Variants in MID1 observed in about 807,000 individuals in gnomAD.
MID1 encodes the protein midline 1, also known as E3 ubiquitin-protein ligase Midline-1.
MID1 carries 7 observed loss-of-function variants against 40.4 expected under a neutral mutation model. The observed-to-expected ratio is 0.17, with a 90% CI of 0.10 to 0.33. The LOEUF is 0.33. MID1 is among the 10% of genes least tolerant of loss of function. The pLI, the probability that MID1 is intolerant of heterozygous loss-of-function variation, is 1.00. For synonymous variants in MID1, 229 were observed against 221.2 expected (o/e 1.04, Z -0.31); for missense variants, 367 against 558.5 (o/e 0.66, Z 3.46).
chrX:10,816,276 C>A (rs2044135730), intron 1 of MID1, among the ~76,000 whole-genome samples: 1 of 111,927 alleles, frequency 8.9e-6, no homozygotes, highest in Admixed American at 9.5e-5. Flanking sequence ...TAAACATAAA[C>A]CAGAGTTGTT....
intron 1 of MID1, among the ~76,000 whole-genome samples, chrX:10,734,535 A>C (rs1569158381): frequency 9.3e-6 from 1 of 107,856 alleles, no homozygotes; most frequent in Non-Finnish European, 1.9e-5. Context: ...TATACCCCTG[A>C]ATCTAAAATA....
intron 1 of MID1, among the ~76,000 whole-genome samples, chrX:10,732,658 AAAG>A (rs2043457808): frequency 8.9e-6 from 1 of 111,813 alleles, no homozygotes; most frequent in Non-Finnish European, 1.9e-5. Flanking sequence ...TGAAAATGCA[AAAG>A]AATTAGAACA....
intron 4 of MID1, among the ~76,000 whole-genome samples, chrX:10,488,473 G>T (rs181210839): frequency 1.2e-4 from 13 of 111,858 alleles, no homozygotes; most frequent in African/African-American, 3.9e-4. Flanking sequence ...CTTGGTATGC[G>T]CCATCTTTTG....
In MID1 at chrX:10,713,519, G is replaced by T. The variant is rs369681427; in HGVS notation, c.-186-93100C>A. ...TTTAAAAACATTTTTGTAGAAACAGGGTTTTGCCATGTTGCCCAGGCTGGT... is the reference window on the plus strand; with the variant it reads ...TTTAAAAACATTTTTGTAGAAACAGTGTTTTGCCATGTTGCCCAGGCTGGT... On this transcript the variant is annotated intron_variant, in intron 1 of 10. Coordinates refer to the MID1 transcript ENST00000380785. 1.9e-4 allele frequency among the ~76,000 whole-genome samples: 21 copies of T among 110,463 alleles called. 1 individual carries two copies. Among genetic ancestry groups the T allele is most frequent in the East Asian group, 1.2e-3 (4 of 3,467 alleles).
At position 10,803,128 on chromosome X, in the gene MID1, C is replaced by T. The variant is rs769428602; in HGVS notation, c.-187+30426G>A. Among the ~76,000 whole-genome samples, 69 of 110,292 alleles carry T rather than the reference C, an allele frequency of 6.3e-4. 2 individuals are homozygous for T. The highest frequency in any genetic ancestry group is 5.9e-3 in the Admixed American group (61 of 10,337). On this transcript the variant is annotated intron_variant, in intron 1 of 10. Coordinates refer to the MID1 transcript ENST00000380785. ...ATTTGTACCCCAAATCTCAGTGTCA[C>T]ACAATAAACCCATGCAACGAACCTG...
intron 1 of MID1, among the ~76,000 whole-genome samples, chrX:10,713,325 A>T (rs898409647): frequency 6.2e-5 from 6 of 96,507 alleles, no homozygotes; most frequent in African/African-American, 1.9e-4. Context: ...AGAGAAGGAG[A>T]TTTTTTTTTT....
At chrX:10,459,576 A>G in intron 8 of MID1, 70 bp downstream of exon 8, 1 of 1,110,181 alleles carries the variant, frequency 9.0e-7, no homozygotes, top group Non-Finnish European at 1.2e-6. Flanking sequence ...AAGGAAAAGA[A>G]AGGGGGACAG....
intron 1 of MID1, among the ~76,000 whole-genome samples, chrX:10,571,490 CTTT>C (rs757552435): frequency 1.1e-5 from 1 of 92,753 alleles, no homozygotes. Flanking sequence ...CCATTCATTC[CTTT>C]TTTTTTTTTT....
chrX:10,607,632 C>T (rs1406552784), intron 1 of MID1, among the ~76,000 whole-genome samples: 13 of 112,096 alleles, frequency 1.2e-4, no homozygotes, highest in Non-Finnish European at 2.4e-4. Context: ...CAGATCATGC[C>T]CCTATTTAAT....
intron 1 of MID1, chrX:10,589,807 C>T (rs1381452475): frequency 9.0e-6 from 1 of 110,636 alleles, no homozygotes; most frequent in Non-Finnish European, 1.9e-5. Context: ...GGAGCTGCCT[C>T]AACCGTCTGT....
intron 1 of MID1, among the ~76,000 whole-genome samples, chrX:10,717,604 T>G (rs1418600310): frequency 2.7e-5 from 3 of 109,708 alleles, no homozygotes; most frequent in Non-Finnish European, 5.7e-5. Flanking sequence ...ATGGGAGACT[T>G]TAACACCCCA....
intron 1 of MID1, chrX:10,589,854 G>A (rs997658306): frequency 9.1e-6 from 1 of 110,167 alleles, no homozygotes; most frequent in African/African-American, 3.3e-5. Flanking sequence ...ACCAAGAAAT[G>A]TAGCAAGACA....
In MID1 at chrX:10,521,108, G is replaced by A. The variant is rs551944047; in HGVS notation, c.756+1984C>T. ...ATGGCGAAATTAGGAGCAAGAGAAA[G>A]AGTGTGTATGGGAGGGGGGCGGGCG... On this transcript the variant is annotated intron_variant, in intron 3 of 9. Coordinates refer to ENST00000317552, the MANE Select transcript of MID1 (RefSeq NM_000381.4). Among the ~76,000 whole-genome samples the A allele has an allele frequency of 1.5e-4, 13 of 86,165 alleles. No homozygotes were observed. In the South Asian group the frequency reaches 0.011, roughly 73 times the overall value. The allele number at this position is 86,165 out of a possible 115,157, so 74.8% of individuals were successfully genotyped here.
chrX:10,739,879 CA>C (rs1292917790), intron 1 of MID1, among the ~76,000 whole-genome samples: 2 of 112,291 alleles, frequency 1.8e-5, no homozygotes, highest in African/African-American at 6.5e-5. Flanking sequence ...CATGTAGCCA[CA>C]ACATTTTAGA....
intron 1 of MID1, among the ~76,000 whole-genome samples, chrX:10,695,327 ATGTTGCCCAGGCTGG>A (rs1161185576): frequency 9.0e-6 from 1 of 111,067 alleles, no homozygotes; most frequent in Non-Finnish European, 1.9e-5. Context: ...GGTTTTCACC[ATGTTGCCCAGGCTGG>A]TCTCAAATTC....
intron 6 of MID1, among the ~76,000 whole-genome samples, chrX:10,470,493 ATTGT>A (rs373263488): frequency 2.4e-3 from 270 of 112,159 alleles, no homozygotes; most frequent in African/African-American, 8.3e-3. Flanking sequence ...CAGCCACATA[ATTGT>A]TTGAATTTTT....
At chrX:10,623,083 C>CAAAAAAAAAA (rs763054366), upstream of MID1, among the ~76,000 whole-genome samples, 48 of 32,509 alleles carry the variant, frequency 1.5e-3, 1 homozygote, top group African/African-American at 4.2e-3. Flanking sequence ...GCTGTCTCTA[C>CAAAAAAAAAA]AAAAAAAAAA....
intron 1 of MID1, among the ~76,000 whole-genome samples, chrX:10,753,654 A>C (rs2043613369): frequency 8.9e-6 from 1 of 111,769 alleles, no homozygotes; most frequent in African/African-American, 3.2e-5. Context: ...CTTGCTCAAA[A>C]AAATTTTAAA....
chrX:10,513,402 C>T (rs958051281), intron 3 of MID1, among the ~76,000 whole-genome samples: 1 of 112,396 alleles, frequency 8.9e-6, no homozygotes, highest in African/African-American at 3.2e-5. Flanking sequence ...TGAGAGTTAC[C>T]TTCTCACCTG....
Sources: allele counts gnomAD v4.1 joint callset (sites outside exome capture counted in the v4.1 genomes callset), GRCh38; gene constraint gnomAD v4.1.1; transcripts MANE v1.5; gene names NCBI Gene and HGNC (gene_info 2026-07-23, HGNC 2026-07-21).